The following TTC6 variants were observed in gnomAD, a reference collection of about 807,000 sequenced individuals.
TTC6 encodes tetratricopeptide repeat domain 6.
In TTC6, 172 loss-of-function variants were observed where a neutral mutation model predicts 210.4. The ratio of observed to expected loss-of-function variants is 0.82; its 90% CI spans 0.72 to 0.93. TTC6 has a LOEUF of 0.93. Among genes scored for constraint, TTC6 ranks in the 40% least tolerant of loss-of-function variants. The probability of loss-of-function intolerance (pLI) is 0.00; values close to 1 mark genes in which losing one functional copy is unlikely to be tolerated. For missense variants in TTC6, 2,414 were observed against 2,318.1 expected, an observed-to-expected ratio of 1.04 and a Z score of -0.85; for synonymous variants, 804 against 819.6, an observed-to-expected ratio of 0.98 and a Z score of 0.32.
chr14:37,770,502 A>C (rs1030423166), intron 14 of TTC6, among the ~76,000 whole-genome samples: 2 of 151,674 alleles, frequency 1.3e-5, no homozygotes, highest in African/African-American at 2.4e-5. Flanking sequence ...TTGGGTGCAT[A>C]TATATTTAGG....
chr14:37,774,385 T>C (rs994041687), intron 14 of TTC6, among the ~76,000 whole-genome samples: 1 of 152,170 alleles, frequency 6.6e-6, no homozygotes, highest in African/African-American at 2.4e-5. Flanking sequence ...AATTTGGTGT[T>C]GAGTATAGGT....
rs1450915294 is a variant in TTC6, at chr14:37,830,747, TAGA to T, written c.5298+3382_5298+3384del. ...CTTCCTTAAAAATTTTTTTCTAAAA[TAGA>T]TTTTTTTAAATGAATTTTTTTCAAA... is the stretch of plus-strand genomic sequence containing the variant. On this transcript the variant is annotated intron_variant, in intron 29 of 30. Coordinates refer to ENST00000553443, the Ensembl canonical transcript of TTC6. 5.8e-5 allele frequency among the ~76,000 whole-genome samples: 3 copies of T among 51,674 alleles called. No individual in the cohort carries two copies. The East Asian group carries it at 2.9e-3, about 50-fold the overall frequency. 33.9% of individuals were successfully genotyped at this position (51,674 alleles called of 152,430 possible). A position where few individuals can be genotyped will look rare whatever the true frequency, so the allele number is the denominator to read the frequency against.
At position 37,826,754 on chromosome 14, in the gene TTC6, C is replaced by T. The variant is rs181172381; in HGVS notation, c.5127+407C>T. Among the ~76,000 whole-genome samples the T allele has an allele frequency of 2.9e-3, 444 of 152,160 alleles. 1 individual carries two copies. The highest frequency in any genetic ancestry group is 4.5e-3 in the Non-Finnish European group (307 of 67,960). On this transcript the variant is annotated intron_variant, in intron 28 of 30. Transcript: ENST00000553443. ...CTCATGTTGAATGCAGTGACAGAAA[C>T]TCTTCTTTACTTCTAGCTTTTGGGT...
chr14:37,711,983 C>T (rs71407717), intron 5 of TTC6, among the ~76,000 whole-genome samples: 6 of 151,944 alleles, frequency 3.9e-5, no homozygotes, highest in Admixed American at 6.6e-5. Context: ...AGAAAGGGTT[C>T]GTTCTTTTCT....
At chr14:37,778,188 G>A (rs538049390) in intron 14 of TTC6, among the ~76,000 whole-genome samples, 247 of 152,192 alleles carry the variant, frequency 1.6e-3, no homozygotes, top group Non-Finnish European at 3.3e-3. Context: ...CTGTGTGGGT[G>A]TTCACAGTGA....
chr14:37,743,731 G>GAAGTTTGA (rs2095927876), intron 10 of TTC6, among the ~76,000 whole-genome samples: 3 of 152,214 alleles, frequency 2.0e-5, no homozygotes, highest in African/African-American at 7.2e-5. Context: ...CTTAGGTTTA[G>GAAGTTTGA]AGGACCCCTC....
chr14:37,775,080 C>G (rs2096032934), intron 14 of TTC6, among the ~76,000 whole-genome samples: 1 of 151,964 alleles, frequency 6.6e-6, no homozygotes. Flanking sequence ...TGATGACACC[C>G]CTTTGTCATT....
chr14:37,605,732 C>G (rs1253800811), intron 1 of TTC6, among the ~76,000 whole-genome samples: 1 of 152,162 alleles, frequency 6.6e-6, no homozygotes, highest in Non-Finnish European at 1.5e-5. Context: ...AACATCTAAG[C>G]AAAGCCCTTT....
At chr14:37,622,490 G>A (rs1401444477) in exon 1 of TTC6, 2 of 1,535,152 alleles carry the variant, frequency 1.3e-6, no homozygotes, top group African/African-American at 2.7e-5. Context: ...TCGCCTCGGG[G>A]TTCGGCACGG....
chr14:37,782,186 G>A (rs1004968170), intron 14 of TTC6, among the ~76,000 whole-genome samples: 31 of 152,060 alleles, frequency 2.0e-4, no homozygotes, highest in Non-Finnish European at 3.7e-4. Context: ...AGCTTGATGG[G>A]GATGGCATTG....
intron 1 of TTC6, among the ~76,000 whole-genome samples, chr14:37,662,980 G>A (rs1167992413): frequency 2.0e-5 from 3 of 152,142 alleles, no homozygotes; most frequent in Non-Finnish European, 4.4e-5. Flanking sequence ...GTTTTGGGCA[G>A]TATGGCCATT....
At chr14:37,619,974 G>A (rs1009935436), upstream of TTC6, among the ~76,000 whole-genome samples, 2 of 151,956 alleles carry the variant, frequency 1.3e-5, no homozygotes, top group African/African-American at 4.8e-5. Context: ...TTCCTATTTA[G>A]TTGAATCTTT....
chr14:37,821,346 G>A (rs2096156672), intron 26 of TTC6, among the ~76,000 whole-genome samples: 1 of 152,150 alleles, frequency 6.6e-6, no homozygotes, highest in Non-Finnish European at 1.5e-5. Flanking sequence ...TGGGATGACA[G>A]ACATGAGCTA....
rs536832931 is a variant in TTC6 at position 37,669,565 on chromosome 14, G to A, written c.940-10586G>A. On this transcript the variant is annotated intron_variant, in intron 1 of 30. Transcript: ENST00000553443. Reference sequence around the variant, plus strand: ...CAAGTTTACTTTGTGCCTCTCTTACGACATGTATTATTGTTATTTATCTAC... The same window carrying A: ...CAAGTTTACTTTGTGCCTCTCTTACAACATGTATTATTGTTATTTATCTAC... 1.5e-4 allele frequency among the ~76,000 whole-genome samples: 23 copies of A among 151,812 alleles called. No individual in the cohort carries two copies. The South Asian group carries it at 4.8e-3, about 32-fold the overall frequency.
chr14:37,682,331 T>C (rs2095785635), intron 2 of TTC6, among the ~76,000 whole-genome samples: 1 of 151,958 alleles, frequency 6.6e-6, no homozygotes. Flanking sequence ...CACCATCCAG[T>C]AGCTTTATAA....
In TTC6 at chr14:37,660,539, GCGTAGTATT is replaced by G. The variant is rs555174964; in HGVS notation, c.940-19610_940-19602del. Among the ~76,000 whole-genome samples the G allele has an allele frequency of 9.9e-5, 15 of 151,526 alleles. No homozygotes were observed. In the South Asian group the frequency reaches 3.1e-3, roughly 31 times the overall value. On this transcript the variant is annotated intron_variant, in intron 1 of 30. Coordinates refer to ENST00000553443, the Ensembl canonical transcript of TTC6. ...GAGGATAATGGCTTCCAGCCTGGCTGCGTAGTATTCCATGGTGTATATGTACCACATTTT... is the reference window on the plus strand; with the variant it reads ...GAGGATAATGGCTTCCAGCCTGGCTGCCATGGTGTATATGTACCACATTTT...
At chr14:37,746,813 G>T (rs1358070412) in intron 10 of TTC6, among the ~76,000 whole-genome samples, 2 of 152,150 alleles carry the variant, frequency 1.3e-5, no homozygotes, top group Non-Finnish European at 2.9e-5. Context: ...TGCAGGAGAG[G>T]ACTGAGAGTC....
In TTC6 at chr14:37,737,742, A is replaced by T. The variant is rs1792701868; in HGVS notation, c.1983+8A>T. 2.1e-6 allele frequency: 3 copies of T among 1,448,756 alleles called. No homozygotes were observed. The Admixed American group carries it at 6.8e-5, about 33-fold the overall frequency. The allele number at this position is 1,448,756 out of a possible 1,614,324, so 89.7% of individuals were successfully genotyped here. A position where few individuals can be genotyped will look rare whatever the true frequency, so the allele number is the denominator to read the frequency against. On this transcript the variant is annotated splice_region_variant and intron_variant, in intron 9 of 30. Coordinates refer to ENST00000553443, the Ensembl canonical transcript of TTC6. ...CAACCTACACAACTAAGGGTATTAT[A>T]ATTTTACAGTTTTTACTCTCTAAAA...
chr14:37,696,899 G>A, intron 4 of TTC6, 64 bp downstream of exon 6: 1 of 635,812 alleles, frequency 1.6e-6, no homozygotes, highest in Non-Finnish European at 2.3e-6. Flanking sequence ...ATAGAGACAT[G>A]AAAATACATT....
Sources: gnomAD v4.1 joint callset for allele counts (sites outside exome capture counted in the v4.1 genomes callset) on GRCh38, gnomAD v4.1.1 for gene constraint, MANE v1.5 for transcripts, NCBI Gene and HGNC (gene_info 2026-07-23, HGNC 2026-07-21) for gene names.